PPARGC1A: variants seen among roughly 807,000 people sequenced by gnomAD.
PPARGC1A encodes PPARG coactivator 1 alpha, also known as peroxisome proliferator-activated receptor gamma coactivator 1-alpha.
A neutral mutation model predicts 88.7 loss-of-function variants in PPARGC1A; 25 were observed. The observed-to-expected ratio is 0.28, with a 90% confidence interval of 0.21 to 0.39. The LOEUF (loss-of-function observed/expected upper bound fraction) is 0.39. PPARGC1A is among the 10% of genes least tolerant of loss of function. The pLI is 1.00. For missense variants in PPARGC1A, 880 were observed against 968.7 expected (o/e 0.91, Z 1.22); for synonymous variants, 363 against 355.6 (o/e 1.02, Z -0.24).
At chr4:23,936,685 G>A in the PPARGC1A span, among the ~76,000 whole-genome samples, 2 of 152,038 alleles carry the variant, frequency 1.3e-5, no homozygotes, top group East Asian at 1.9e-4. Flanking sequence ...CAGCTTGGGC[G>A]ACATGGGAAA....
At chr4:24,323,438 C>T in the PPARGC1A span, among the ~76,000 whole-genome samples, 4 of 152,226 alleles carry the variant, frequency 2.6e-5, no homozygotes, top group Non-Finnish European at 4.4e-5. Flanking sequence ...TTTGTTCCTG[C>T]CCCACCTTAA....
At chr4:24,360,223 C>T in the PPARGC1A span, among the ~76,000 whole-genome samples, 1 of 152,214 alleles carries the variant, frequency 6.6e-6, no homozygotes, top group African/African-American at 2.4e-5. Flanking sequence ...CACCACGGTC[C>T]ATTTTCCACA....
At chr4:24,425,753 A>G in the PPARGC1A span, among the ~76,000 whole-genome samples, 1 of 152,246 alleles carries the variant, frequency 6.6e-6, no homozygotes, top group Non-Finnish European at 1.5e-5. Context: ...TGGGCTGAAT[A>G]AAATCATTCA....
At chr4:24,162,415 T>C in the PPARGC1A span, among the ~76,000 whole-genome samples, 1 of 152,120 alleles carries the variant, frequency 6.6e-6, no homozygotes, top group Non-Finnish European at 1.5e-5. Context: ...CAGGCTGATC[T>C]GAGTATGTAC....
chr4:24,285,419 G>A, the PPARGC1A span, among the ~76,000 whole-genome samples: 1 of 152,136 alleles, frequency 6.6e-6, no homozygotes, highest in African/African-American at 2.4e-5. Flanking sequence ...GAGGGTGAAA[G>A]GGGGCTGTAA....
chr4:23,837,163 G>A (rs576054855), intron 2 of PPARGC1A, among the ~76,000 whole-genome samples: 1 of 152,218 alleles, frequency 6.6e-6, no homozygotes, highest in Admixed American at 6.5e-5. Context: ...TAGGCCAGAA[G>A]AATTCTCGCT....
chr4:24,050,288 CAGGTT>C, the PPARGC1A span, among the ~76,000 whole-genome samples: 3 of 150,870 alleles, frequency 2.0e-5, no homozygotes, highest in African/African-American at 7.3e-5. Context: ...CTCTGCCTCC[CAGGTT>C]CAAGTGATTC....
At chr4:24,017,141 G>T in the PPARGC1A span, among the ~76,000 whole-genome samples, 257 of 152,248 alleles carry the variant, frequency 1.7e-3, 2 homozygotes, top group Admixed American at 0.014. Flanking sequence ...CATGTGAAAG[G>T]TACGCAAAGA....
chr4:24,352,471 A>T, the PPARGC1A span, among the ~76,000 whole-genome samples: 1 of 152,158 alleles, frequency 6.6e-6, no homozygotes, highest in Non-Finnish European at 1.5e-5. Context: ...TCAACATCCC[A>T]TAGGTGAGGG....
At chr4:23,999,810 A>G in the PPARGC1A span, among the ~76,000 whole-genome samples, 1 of 152,222 alleles carries the variant, frequency 6.6e-6, no homozygotes, top group African/African-American at 2.4e-5. Context: ...AGAAAGGAGC[A>G]GCATGGAGAG....
rs937569740 is a variant in PPARGC1A at position 23,815,560 on chromosome 4, A to G, written c.878-955T>C. Among the ~76,000 whole-genome samples the G allele has an allele frequency of 2.6e-5, 4 of 152,230 alleles. No individual in the cohort carries two copies. The East Asian group carries it at 5.8e-4, about 22-fold the overall frequency. The stretch of plus-strand genomic sequence containing the variant: ...CAGCTGTTGCTCTTTCTGCTTTTCT[A>G]TAGGAGGGCAGAACATTTCATCAGA... On this transcript the variant is annotated intron_variant, in intron 7 of 12. Transcript: ENST00000264867.
the PPARGC1A span, among the ~76,000 whole-genome samples, chr4:24,353,459 G>A: frequency 6.6e-6 from 1 of 151,772 alleles, no homozygotes; most frequent in African/African-American, 2.4e-5. Context: ...AAACATTAAG[G>A]CGAGACTGGC....
chr4:23,999,689 TG>T, the PPARGC1A span, among the ~76,000 whole-genome samples: 2 of 152,180 alleles, frequency 1.3e-5, no homozygotes, highest in Non-Finnish European at 2.9e-5. Flanking sequence ...AATGTCAAAA[TG>T]GGAATTGCAG....
the PPARGC1A span, among the ~76,000 whole-genome samples, chr4:23,965,379 G>A: frequency 6.6e-6 from 1 of 152,164 alleles, no homozygotes; most frequent in African/African-American, 2.4e-5. Context: ...CTGGCCCACA[G>A]TGGGGGTGCT....
upstream of PPARGC1A, among the ~76,000 whole-genome samples, chr4:23,893,653 C>T (rs186031303): frequency 6.6e-6 from 1 of 151,990 alleles, no homozygotes; most frequent in Non-Finnish European, 1.5e-5. Context: ...AAAAGGTGAC[C>T]AAGAGCTTCA....
the PPARGC1A span, among the ~76,000 whole-genome samples, chr4:23,930,472 A>C: frequency 6.6e-6 from 1 of 152,198 alleles, no homozygotes; most frequent in Admixed American, 6.5e-5. Flanking sequence ...TAATATCTTA[A>C]AGATCAACCT....
At chr4:24,051,412 T>G in the PPARGC1A span, among the ~76,000 whole-genome samples, 1 of 152,204 alleles carries the variant, frequency 6.6e-6, no homozygotes, top group Non-Finnish European at 1.5e-5. Flanking sequence ...AGTTATTTAT[T>G]GTTCAGTTAC....
chr4:24,032,933 T>G, the PPARGC1A span, among the ~76,000 whole-genome samples: 444 of 152,300 alleles, frequency 2.9e-3, 1 homozygote, highest in South Asian at 0.018. Context: ...TCATTTGATA[T>G]CTCAAAAACC....
chr4:24,043,403 C>T, the PPARGC1A span, among the ~76,000 whole-genome samples: 21 of 152,218 alleles, frequency 1.4e-4, no homozygotes, highest in Non-Finnish European at 2.4e-4. Context: ...ACTCAAAACC[C>T]TTATTAGTCT....
Sources: allele counts gnomAD v4.1 joint callset (sites outside exome capture counted in the v4.1 genomes callset), GRCh38; gene constraint gnomAD v4.1.1; transcripts MANE v1.5; gene names NCBI Gene and HGNC (gene_info 2026-07-23, HGNC 2026-07-21).